ATE1: variants seen among roughly 807,000 people sequenced by gnomAD.
ATE1 encodes the protein arginyltransferase 1, also known as arginyl-tRNA--protein transferase 1.
A neutral mutation model predicts 70.5 loss-of-function variants in ATE1; 36 were observed. That is an observed-to-expected ratio of 0.51 (90% CI 0.39 to 0.67). The LOEUF (loss-of-function observed/expected upper bound fraction) is 0.67. ATE1 is among the 30% of genes least tolerant of loss of function. ATE1 has a pLI of 0.00. For synonymous variants in ATE1, 232 were observed against 219.3 expected (o/e 1.06, Z -0.51); for missense variants, 593 against 629.5 (o/e 0.94, Z 0.62).
upstream of ATE1, chr10:121,928,291 C>G: frequency 6.7e-7 from 1 of 1,492,724 alleles, no homozygotes; most frequent in Non-Finnish European, 8.9e-7. Context: ...TTTCCCCCGC[C>G]GAGGGCCTGT....
chr10:121,841,556 T>A (rs1948629897), intron 8 of ATE1, among the ~76,000 whole-genome samples: 1 of 152,172 alleles, frequency 6.6e-6, no homozygotes. Flanking sequence ...ACTATTAAAC[T>A]ATGTCCTTCC....
chr10:121,816,596 C>G (rs1274142245), intron 10 of ATE1, among the ~76,000 whole-genome samples: 1 of 152,178 alleles, frequency 6.6e-6, no homozygotes, highest in African/African-American at 2.4e-5. Context: ...CATGAGGACA[C>G]AGCATTCAAG....
Position 121,740,837 on chromosome 10 carries a change from T to C in ATE1, c.*2843A>G, listed in dbSNP as rs192207882. The C allele has an allele frequency of 2.6e-5, 4 of 152,282 alleles. No individual in the cohort carries two copies. In the East Asian group the frequency reaches 5.8e-4, roughly 22 times the overall value. 9.4% of individuals were successfully genotyped at this position (152,282 alleles called of 1,614,324 possible). Reference sequence around the variant, plus strand: ...GGATAAAGCTATTTAAAAGTCAACATAGTAATATTTATCTAAATAATTTTA... The same window carrying C: ...GGATAAAGCTATTTAAAAGTCAACACAGTAATATTTATCTAAATAATTTTA... On this transcript the variant is annotated 3_prime_UTR_variant, in exon 12 of 12. Coordinates refer to ENST00000224652, the MANE Select transcript of ATE1 (RefSeq NM_001001976.3).
intron 8 of ATE1, among the ~76,000 whole-genome samples, chr10:121,856,076 C>CAAAA: frequency 7.9e-6 from 1 of 125,796 alleles, no homozygotes; most frequent in Non-Finnish European, 1.7e-5. Context: ...AACTATATCT[C>CAAAA]AAAAAAAAAA....
intron 9 of ATE1, among the ~76,000 whole-genome samples, chr10:121,839,868 T>G (rs1200550790): frequency 6.6e-6 from 1 of 152,202 alleles, no homozygotes; most frequent in African/African-American, 2.4e-5. Flanking sequence ...AAATTTCAAC[T>G]CTTTTATAAT....
intron 10 of ATE1, among the ~76,000 whole-genome samples, chr10:121,824,677 C>T (rs7476932): frequency 0.25 from 38,725 of 151,968 alleles, 5,735 homozygotes; most frequent in East Asian, 0.53. Flanking sequence ...CCAAACAGAC[C>T]GCCTGAAATC....
chr10:121,831,638 C>A (rs1415806904), intron 10 of ATE1, among the ~76,000 whole-genome samples: 1 of 152,176 alleles, frequency 6.6e-6, no homozygotes, highest in African/African-American at 2.4e-5. Flanking sequence ...CTAATACTTT[C>A]TCTCAATTTC....
intron 11 of ATE1, among the ~76,000 whole-genome samples, chr10:121,763,187 C>A (rs189208817): frequency 6.6e-5 from 10 of 151,912 alleles, no homozygotes; most frequent in Admixed American, 5.9e-4. Context: ...CCTAAAAGTA[C>A]GCCAAAGTGG....
At chr10:121,845,947 G>T (rs1183908611) in intron 8 of ATE1, among the ~76,000 whole-genome samples, 1 of 151,928 alleles carries the variant, frequency 6.6e-6, no homozygotes, top group Non-Finnish European at 1.5e-5. Context: ...AGCTGAGAGG[G>T]TCTAGAAGAA....
chr10:121,752,529 T>G (rs1174761281), intron 11 of ATE1, among the ~76,000 whole-genome samples: 1 of 152,258 alleles, frequency 6.6e-6, no homozygotes, highest in East Asian at 2.0e-4. Flanking sequence ...GCACCTGGCA[T>G]TTCTACGAAT....
At chr10:121,919,329 C>A (rs564029895) in intron 3 of ATE1, among the ~76,000 whole-genome samples, 2 of 152,008 alleles carry the variant, frequency 1.3e-5, no homozygotes, top group Non-Finnish European at 2.9e-5. Context: ...GGGGCTGAAG[C>A]GGGCAGATCA....
chr10:121,852,635 C>T (rs764440629), intron 8 of ATE1, among the ~76,000 whole-genome samples: 2 of 151,902 alleles, frequency 1.3e-5, no homozygotes, highest in East Asian at 1.9e-4. Context: ...CACTTGAACC[C>T]GGGAGGCAGA....
At chr10:121,787,973 G>GT (rs1946280807) in intron 11 of ATE1, among the ~76,000 whole-genome samples, 1 of 152,002 alleles carries the variant, frequency 6.6e-6, no homozygotes, top group African/African-American at 2.4e-5. Context: ...TGAAGCTATC[G>GT]TAAGTTGGGG....
intron 10 of ATE1, among the ~76,000 whole-genome samples, chr10:121,800,612 A>G (rs1946839590): frequency 6.6e-6 from 1 of 152,238 alleles, no homozygotes; most frequent in African/African-American, 2.4e-5. Flanking sequence ...CAAAAAGACA[A>G]TATTATTTAA....
intron 10 of ATE1, among the ~76,000 whole-genome samples, chr10:121,822,573 A>G (rs1355328521): frequency 6.6e-6 from 1 of 152,218 alleles, no homozygotes; most frequent in Non-Finnish European, 1.5e-5. Flanking sequence ...CAGGTAGGTA[A>G]GAGACACGAA....
At chr10:121,917,572 G>C (rs551652062) in intron 3 of ATE1, among the ~76,000 whole-genome samples, 1 of 151,976 alleles carries the variant, frequency 6.6e-6, no homozygotes, top group South Asian at 2.1e-4. Flanking sequence ...GGGAAACAGG[G>C]ATAAGAGAAA....
intron 8 of ATE1, among the ~76,000 whole-genome samples, chr10:121,848,343 G>A (rs1399675165): frequency 6.6e-6 from 1 of 151,964 alleles, no homozygotes; most frequent in African/African-American, 2.4e-5. Context: ...TCGGCTGGGT[G>A]TGGTGGCTCA....
Position 121,743,727 on chromosome 10 carries a change from G to T in ATE1, c.1510C>A (p.Leu504Met). 6.2e-7 allele frequency: 1 copy of T among 1,613,952 alleles called. No homozygotes were observed. The highest frequency in any genetic ancestry group is 1.3e-5 in the African/African-American group (1 of 75,016). The part of the protein sequence containing the change: ...EEAAVLQYAS[L>M]VGQKCSERML... Reference sequence around the variant, plus strand: ...CGCTCGGAGCACTTCTGCCCCACCAGGCTGGCGTACTGCAGAACAGCAGCC... The same window carrying T: ...CGCTCGGAGCACTTCTGCCCCACCATGCTGGCGTACTGCAGAACAGCAGCC... Residue 504 changes from leucine to methionine, a missense_variant, in exon 12 of 12, where the codon CTG (leucine) becomes ATG (methionine). Coordinates refer to ENST00000224652, the MANE Select transcript of ATE1 (RefSeq NM_001001976.3).
chr10:121,895,763 A>G (rs2134247400), intron 7 of ATE1, among the ~76,000 whole-genome samples: 1 of 152,286 alleles, frequency 6.6e-6, no homozygotes, highest in Non-Finnish European at 1.5e-5. Flanking sequence ...ATTGCTACTA[A>G]AATACAAAAA....
Sources: gnomAD v4.1 joint callset for allele counts (sites outside exome capture counted in the v4.1 genomes callset) on GRCh38, gnomAD v4.1.1 for gene constraint, MANE v1.5 for transcripts, NCBI Gene and HGNC (gene_info 2026-07-23, HGNC 2026-07-21) for gene names.